Variants in CDH13 observed in about 807,000 individuals in gnomAD.
The protein encoded by CDH13 is cadherin-13.
A neutral mutation model predicts 63.8 loss-of-function variants in CDH13; 24 were observed. The observed-to-expected ratio is 0.38, with a 90% confidence interval of 0.27 to 0.53. CDH13 has a LOEUF of 0.53. CDH13 is among the 20% of genes least tolerant of loss of function. The pLI is 0.85. For synonymous variants in CDH13, 503 were observed against 355.3 expected, an observed-to-expected ratio of 1.42 and a Z score of -4.67; for missense variants, 1,049 against 903.1, an observed-to-expected ratio of 1.16 and a Z score of -2.07.
At chr16:83,090,712 T>G (rs2151581888) in intron 3 of CDH13, among the ~76,000 whole-genome samples, 1 of 152,296 alleles carries the variant, frequency 6.6e-6, no homozygotes, top group South Asian at 2.1e-4. Flanking sequence ...CTGCTCCGAC[T>G]GCACGAGTTG....
At chr16:83,216,642 T>C (rs2039541107) in intron 4 of CDH13, among the ~76,000 whole-genome samples, 1 of 144,722 alleles carries the variant, frequency 6.9e-6, no homozygotes, top group African/African-American at 2.5e-5. Context: ...TTAATATATA[T>C]ATTATATATC....
chr16:83,742,382 C>T (rs1424078401), intron 10 of CDH13, among the ~76,000 whole-genome samples: 1 of 152,200 alleles, frequency 6.6e-6, no homozygotes, highest in Non-Finnish European at 1.5e-5. Flanking sequence ...AGAGCAGCTT[C>T]TGTGAAGCTA....
At chr16:83,692,933 A>G (rs1905050740) in intron 10 of CDH13, among the ~76,000 whole-genome samples, 1 of 152,156 alleles carries the variant, frequency 6.6e-6, no homozygotes, top group African/African-American at 2.4e-5. Context: ...AAATACAAAA[A>G]TTAGCCAGGC....
intron 10 of CDH13, among the ~76,000 whole-genome samples, chr16:83,715,113 A>G (rs1005183515): frequency 2.0e-5 from 3 of 152,192 alleles, no homozygotes; most frequent in African/African-American, 7.2e-5. Context: ...TTGCTCATAA[A>G]TACCCCCACC....
intron 6 of CDH13, among the ~76,000 whole-genome samples, chr16:83,393,133 C>T (rs1441328749): frequency 6.6e-6 from 1 of 152,148 alleles, no homozygotes; most frequent in Non-Finnish European, 1.5e-5. Flanking sequence ...AAAGTGTCCC[C>T]AAGGATACAT....
chr16:83,523,343 C>G (rs1276426617), intron 7 of CDH13, among the ~76,000 whole-genome samples: 1 of 152,198 alleles, frequency 6.6e-6, no homozygotes, highest in African/African-American at 2.4e-5. Flanking sequence ...GGCAGACTGT[C>G]TTGGTTGAAC....
chr16:83,014,772 A>G (rs1036922642), intron 2 of CDH13, among the ~76,000 whole-genome samples: 3,474 of 69,496 alleles, frequency 0.05, 406 homozygotes, highest in South Asian at 0.098. Flanking sequence ...ATATATATAT[A>G]TATGTATATA....
intron 5 of CDH13, among the ~76,000 whole-genome samples, chr16:83,254,381 G>A (rs1428402882): frequency 6.6e-6 from 1 of 152,126 alleles, no homozygotes; most frequent in East Asian, 1.9e-4. Context: ...CTAAGATTGA[G>A]GAACCTGTTT....
intron 4 of CDH13, among the ~76,000 whole-genome samples, chr16:83,215,396 A>G (rs1297407356): frequency 1.3e-5 from 2 of 151,312 alleles, no homozygotes; most frequent in African/African-American, 2.4e-5. Context: ...TTTATTTTTA[A>G]TTTTCTTTTG....
intron 1 of CDH13, among the ~76,000 whole-genome samples, chr16:82,710,573 AT>A (rs1567650014): frequency 2.6e-4 from 33 of 124,718 alleles, no homozygotes; most frequent in African/African-American, 8.0e-4. Flanking sequence ...ATATATATAT[AT>A]ATAAATATAT....
At position 83,783,431 on chromosome 16, in the gene CDH13, G is replaced by A. The variant is rs370995819; in HGVS notation, c.2093G>A (p.Ser698Asn). 7.4e-6 allele frequency: 12 copies of A among 1,613,880 alleles called. No homozygotes were observed. The African/African-American group carries it at 1.6e-4, about 22-fold the overall frequency. ...DCNAAGALRF[S>N]LPSVLLLSLF... is the part of the protein sequence containing the mutation. ...AACGCGGCAGGGGCCCTGCGCTTCA[G>A]CCTGCCCTCAGTCCTGCTCCTCAGC... Residue 698 changes from serine (S) to asparagine (N), a missense_variant, in exon 13 of 14, where the codon AGC (serine) becomes AAC (asparagine). Ser to Asn is a conservative substitution (Grantham distance 46). Coordinates refer to ENST00000567109, the MANE Select transcript of CDH13 (RefSeq NM_001257.5).
chr16:83,413,716 G>A (rs1051136994), intron 6 of CDH13, among the ~76,000 whole-genome samples: 2 of 152,076 alleles, frequency 1.3e-5, no homozygotes, highest in African/African-American at 2.4e-5. Context: ...TGCAGTGCAC[G>A]GTGGCTCATG....
intron 11 of CDH13, among the ~76,000 whole-genome samples, chr16:83,761,895 C>CA (rs1338162285): frequency 6.6e-6 from 1 of 151,976 alleles, no homozygotes; most frequent in Non-Finnish European, 1.5e-5. Context: ...GGTGAAACCC[C>CA]TTCTCTACTA....
rs538661084 is a variant in CDH13, at chr16:82,701,227, T to G, written c.45+74090T>G. On this transcript the variant is annotated intron_variant, in intron 1 of 13. Coordinates refer to ENST00000567109, the MANE Select transcript of CDH13 (RefSeq NM_001257.5). The stretch of plus-strand genomic sequence containing the variant: ...TGCTACCTCTGAAATATTTCTCAAA[T>G]CCACATCTCCTTTCAACCTTGGGCA... 3.9e-5 allele frequency among the ~76,000 whole-genome samples: 6 copies of G among 152,248 alleles called. No homozygotes were observed. In the South Asian group the frequency reaches 6.2e-4, roughly 16 times the overall value.
At chr16:82,909,599 C>G (rs576708962) in intron 2 of CDH13, among the ~76,000 whole-genome samples, 1 of 151,952 alleles carries the variant, frequency 6.6e-6, no homozygotes, top group Non-Finnish European at 1.5e-5. Flanking sequence ...TGAGGAGCAA[C>G]GTCACATCTT....
intron 7 of CDH13, among the ~76,000 whole-genome samples, chr16:83,586,323 A>T (rs769506302): frequency 2.0e-5 from 3 of 152,122 alleles, no homozygotes; most frequent in Non-Finnish European, 4.4e-5. Context: ...AGGGCGGTTG[A>T]GTTCAGTTCC....
chr16:83,109,556 G>T (rs1024124446), intron 3 of CDH13, among the ~76,000 whole-genome samples: 3 of 152,170 alleles, frequency 2.0e-5, no homozygotes, highest in Admixed American at 1.3e-4. Context: ...CCAAGTGCGG[G>T]TTTTCTAACA....
chr16:83,606,545 C>G (rs1301452374), intron 8 of CDH13, among the ~76,000 whole-genome samples: 2 of 151,700 alleles, frequency 1.3e-5, no homozygotes, highest in Non-Finnish European at 2.9e-5. Context: ...CAAGACCAGT[C>G]TGGGAAACAT....
chr16:83,729,559 A>G (rs1239735702), intron 10 of CDH13, among the ~76,000 whole-genome samples: 2 of 152,206 alleles, frequency 1.3e-5, no homozygotes, highest in African/African-American at 4.8e-5. Context: ...CATGGGCGCT[A>G]TGGTTGGACA....
Sources: gnomAD v4.1 joint callset for allele counts (sites outside exome capture counted in the v4.1 genomes callset) on GRCh38, gnomAD v4.1.1 for gene constraint, MANE v1.5 for transcripts, NCBI Gene and HGNC (gene_info 2026-07-23, HGNC 2026-07-21) for gene names.